The following SERHL2 variants were observed in gnomAD, a reference collection of about 807,000 sequenced individuals.
SERHL2 encodes serine hydrolase-like protein 2.
SERHL2 carries 29 observed loss-of-function variants against 25.5 expected under a neutral mutation model. The observed-to-expected ratio is 1.14, with a 90% CI of 0.85 to 1.55. The LOEUF is 1.55. Among genes scored for constraint, SERHL2 ranks in the 40% most tolerant of loss-of-function variants. The pLI is 0.00. For missense variants in SERHL2, 240 were observed against 252.3 expected, an observed-to-expected ratio of 0.95 and a Z score of 0.33; for synonymous variants, 95 against 103.5, an observed-to-expected ratio of 0.92 and a Z score of 0.50.
intron 8 of SERHL2, 61 bp downstream of exon 8, chr22:42,560,326 AAG>A (rs1922531799): frequency 4.6e-6 from 6 of 1,312,574 alleles, no homozygotes; most frequent in Non-Finnish European, 6.6e-6. Flanking sequence ...CGAGGATGTC[AAG>A]GACTTGCCTT....
At chr22:42,572,230 C>T (rs966299865) in intron 10 of SERHL2, among the ~76,000 whole-genome samples, 2 of 152,092 alleles carry the variant, frequency 1.3e-5, no homozygotes, top group African/African-American at 2.4e-5. Flanking sequence ...TCAGCATTCA[C>T]TTGTGCCTGG....
chr22:42,559,994 T>G (rs1367772347), intron 7 of SERHL2, among the ~76,000 whole-genome samples, 192 bp from the exon 8 acceptor site: 1 of 151,888 alleles, frequency 6.6e-6, no homozygotes. Flanking sequence ...GTATTTTTAG[T>G]AGAGATGAGG....
intron 8 of SERHL2, among the ~76,000 whole-genome samples, chr22:42,560,997 C>T (rs1001998736): frequency 1.1e-4 from 17 of 151,908 alleles, no homozygotes; most frequent in Admixed American, 2.0e-4. Context: ...CCAGACCTCC[C>T]GCACCACAAC....
At position 42,574,352 on chromosome 22, in the gene SERHL2, G is replaced by A. The variant is rs1040496386; in HGVS notation, c.*297G>A. ...CCTAGCCTTTCCCTGCTGCCCAACT[G>A]GATGGAAAATAAAAGGTTCTTGTAT... On this transcript the variant is annotated 3_prime_UTR_variant, in exon 12 of 12. Coordinates refer to ENST00000327678, the MANE Select transcript of SERHL2 (RefSeq NM_014509.5). 1 of 510,984 alleles carries A rather than the reference G, an allele frequency of 2.0e-6. No homozygotes were observed. Among genetic ancestry groups the A allele is most frequent in the Non-Finnish European group, 3.5e-6 (1 of 286,530 alleles). 31.7% of individuals were successfully genotyped at this position (510,984 alleles called of 1,614,324 possible). A position where few individuals can be genotyped will look rare whatever the true frequency, so the allele number is the denominator to read the frequency against.
rs746531789 is a variant in SERHL2 at position 42,561,118 on chromosome 22, C to T, written c.613+853C>T. Among the ~76,000 whole-genome samples, 27 of 151,860 alleles carry T rather than the reference C, an allele frequency of 1.8e-4. 1 individual carries two copies. The highest frequency in any genetic ancestry group is 5.2e-4 in the Admixed American group (8 of 15,258). Reference sequence around the variant, plus strand: ...CAGATGATACACAGGTGAACAGGCACATGAGTGGTTAGACATTCTCTAGAT... The same window carrying T: ...CAGATGATACACAGGTGAACAGGCATATGAGTGGTTAGACATTCTCTAGAT... On this transcript the variant is annotated intron_variant, in intron 8 of 11. Transcript: ENST00000327678.
chr22:42,567,403 G>A (rs1470820091), intron 9 of SERHL2, among the ~76,000 whole-genome samples: 5 of 151,894 alleles, frequency 3.3e-5, no homozygotes, highest in South Asian at 4.2e-4. Flanking sequence ...GGTGGCTCAC[G>A]CCTGTAGTCC....
intron 10 of SERHL2, among the ~76,000 whole-genome samples, chr22:42,572,069 A>G (rs1200896605): frequency 6.6e-6 from 1 of 152,004 alleles, no homozygotes; most frequent in Admixed American, 6.5e-5. Context: ...AAAACCACAG[A>G]ATTGTAGACT....
At chr22:42,567,436 G>A (rs1333587115) in intron 9 of SERHL2, among the ~76,000 whole-genome samples, 2 of 150,856 alleles carry the variant, frequency 1.3e-5, no homozygotes, top group African/African-American at 2.4e-5. Flanking sequence ...AGGCCGAGGC[G>A]GGTGGATCAC....
intron 11 of SERHL2, 132 bp downstream of exon 11, chr22:42,572,661 T>C: frequency 7.0e-7 from 1 of 1,435,286 alleles, no homozygotes. Context: ...CCAGGATCTA[T>C]CAGGCCTCAT....
rs543353400 is a variant in SERHL2, at chr22:42,567,706, C to T, written c.648+1368C>T. Among the ~76,000 whole-genome samples the T allele has an allele frequency of 2.8e-4, 41 of 149,048 alleles. 1 individual carries two copies. Among genetic ancestry groups the T allele is most frequent in the African/African-American group, 7.2e-4 (29 of 40,558 alleles). On this transcript the variant is annotated intron_variant, in intron 9 of 11. Coordinates refer to ENST00000327678, the MANE Select transcript of SERHL2 (RefSeq NM_014509.5). ...TAAATAAATAAAAAAAATAAAAGTT[C>T]GATTTTTCTTTAATTTTATTATTAT...
intron 8 of SERHL2, among the ~76,000 whole-genome samples, chr22:42,564,876 C>A (rs1400911637): frequency 6.6e-6 from 1 of 151,992 alleles, no homozygotes; most frequent in Non-Finnish European, 1.5e-5. Context: ...CGGCTCACTG[C>A]AGCCTCTGCC....
Position 42,571,146 on chromosome 22 carries a change from G to A in SERHL2, c.674G>A (p.Ser225Asn). 1 of 1,613,474 alleles carries A rather than the reference G, an allele frequency of 6.2e-7. No individual in the cohort carries two copies. Among genetic ancestry groups the A allele is most frequent in the Non-Finnish European group, 8.5e-7 (1 of 1,179,668 alleles). The change falls in exon 10 of 12, where the codon AGC becomes AAC. Residue 225 changes from serine to asparagine, a missense_variant. Ser to Asn is a conservative substitution (Grantham distance 46, BLOSUM62 1). Coordinates refer to ENST00000327678, the MANE Select transcript of SERHL2 (RefSeq NM_014509.5). ...GCAGAGAACAGCATTGACTTCATCA[G>A]CAGGGAGCTGTGTGCGCATTCCATC... ...AWAENSIDFI[S>N]RELCAHSIRK... is the part of the protein sequence containing the mutation.
Position 42,572,417 on chromosome 22 carries a change from C to T in SERHL2, c.732-19C>T, listed in dbSNP as rs1924355534. ...GTTCTAAGATGAACCCCAACAACCCCCAACTCCTCACTTTCCAGAGCAGTC... is the reference window on the plus strand; with the variant it reads ...GTTCTAAGATGAACCCCAACAACCCTCAACTCCTCACTTTCCAGAGCAGTC... On this transcript the variant is annotated intron_variant, in intron 10 of 11. Coordinates refer to ENST00000327678, the MANE Select transcript of SERHL2 (RefSeq NM_014509.5). 1 of 1,591,800 alleles carries T rather than the reference C, an allele frequency of 6.3e-7. No homozygotes were observed. Among genetic ancestry groups the T allele is most frequent in the Non-Finnish European group, 8.6e-7 (1 of 1,161,512 alleles).
At chr22:42,567,960 C>T (rs565363005) in intron 9 of SERHL2, among the ~76,000 whole-genome samples, 22 of 151,596 alleles carry the variant, frequency 1.5e-4, no homozygotes, top group Admixed American at 1.1e-3. Context: ...GAACTCCTGA[C>T]CTCAGGTGAT....
rs142867325 is a variant in SERHL2, at chr22:42,560,205, C to T, written c.553C>T (p.His185Tyr). The change falls in exon 8 of 12, where the codon CAC becomes TAC. Residue 185 changes from histidine to tyrosine, a missense_variant. Coordinates refer to ENST00000327678, the MANE Select transcript of SERHL2 (RefSeq NM_014509.5). Reference protein sequence around the residue: ...LLQRLLKSNSHLSEECGELLL... With the variant: ...LLQRLLKSNSYLSEECGELLL... Reference sequence around the variant, plus strand: ...CCCCAGGTTACTGAAGAGCAATAGCCACTTGAGTGAGGAGTGCGGGGAGCT... The same window carrying T: ...CCCCAGGTTACTGAAGAGCAATAGCTACTTGAGTGAGGAGTGCGGGGAGCT... The T allele has an allele frequency of 4.2e-4, 683 of 1,612,770 alleles. 6 individuals are homozygous for T. The highest frequency in any genetic ancestry group is 1.8e-3 in the Middle Eastern group (11 of 6,056).
intron 1 of SERHL2, 151 bp from the exon 2 acceptor site, chr22:42,554,787 T>G: frequency 5.0e-6 from 3 of 605,892 alleles, no homozygotes; most frequent in Non-Finnish European, 9.0e-6. Flanking sequence ...TCTGACTCTC[T>G]CCCCATAACC....
intron 7 of SERHL2, among the ~76,000 whole-genome samples, chr22:42,559,229 T>TAAAAAAAAAAAAAAAAA (rs1194822216): frequency 1.2e-4 from 8 of 69,310 alleles, no homozygotes; most frequent in African/African-American, 2.7e-4. Flanking sequence ...ACCCTGTATT[T>TAAAAAAAAAAAAAAAAA]AAAAAAAAAA....
At chr22:42,565,638 A>G (rs1406956375) in intron 8 of SERHL2, among the ~76,000 whole-genome samples, 1 of 150,738 alleles carries the variant, frequency 6.6e-6, no homozygotes, top group Admixed American at 6.6e-5. Flanking sequence ...CTAATTTTTT[A>G]GTTTTTTTGT....
At chr22:42,566,223 A>C (rs13056731) in intron 8 of SERHL2, 81 bp from the exon 9 acceptor site, 1 of 1,421,900 alleles carries the variant, frequency 7.0e-7, no homozygotes, top group African/African-American at 1.4e-5. Context: ...AAAGGCCTGG[A>C]GGGTTCCAGC....
Sources: gnomAD v4.1 joint callset for allele counts (sites outside exome capture counted in the v4.1 genomes callset) on GRCh38, gnomAD v4.1.1 for gene constraint, MANE v1.5 for transcripts, NCBI Gene and HGNC (gene_info 2026-07-23, HGNC 2026-07-21) for gene names.